Variants in IQCM observed in about 807,000 individuals in gnomAD.
IQCM encodes IQ domain-containing protein M.
A neutral mutation model predicts 57.6 loss-of-function variants in IQCM; 45 were observed. The observed-to-expected ratio is 0.78, with a 90% CI of 0.62 to 1.00. The LOEUF is 1.00. IQCM is among the 50% of genes least tolerant of loss of function. The pLI is 0.00. For synonymous variants in IQCM, 148 were observed against 158.9 expected, an observed-to-expected ratio of 0.93 and a Z score of 0.51; for missense variants, 468 against 511.6, an observed-to-expected ratio of 0.91 and a Z score of 0.82.
At chr4:149,547,840 A>G (rs1748615927) in intron 12 of IQCM, among the ~76,000 whole-genome samples, 1 of 152,192 alleles carries the variant, frequency 6.6e-6, no homozygotes, top group Admixed American at 6.5e-5. Context: ...GAAAAGCTGA[A>G]AAGAATCTTA....
chr4:149,768,400 T>C (rs1770257670), intron 2 of IQCM, among the ~76,000 whole-genome samples: 1 of 152,128 alleles, frequency 6.6e-6, no homozygotes, highest in Admixed American at 6.6e-5. Context: ...TTCTATCCTG[T>C]CATTGGATTA....
At chr4:149,774,416 C>T (rs1230166801) in intron 2 of IQCM, among the ~76,000 whole-genome samples, 2 of 152,160 alleles carry the variant, frequency 1.3e-5, no homozygotes, top group African/African-American at 4.8e-5. Context: ...CCTCTATTTC[C>T]TTTAAAAAAA....
chr4:149,597,970 G>C (rs916687158), intron 8 of IQCM, among the ~76,000 whole-genome samples: 10 of 152,044 alleles, frequency 6.6e-5, no homozygotes, highest in African/African-American at 2.2e-4. Context: ...ACCTACAAAA[G>C]AGAGACAACT....
chr4:149,530,808 C>A (rs1286929768), intron 12 of IQCM, among the ~76,000 whole-genome samples: 6 of 128,514 alleles, frequency 4.7e-5, no homozygotes, highest in Non-Finnish European at 9.8e-5. Context: ...CCCCCACCCC[C>A]CCCCCACATA....
chr4:149,748,155 G>A lies in IQCM; in HGVS notation c.-48-5416C>T, dbSNP rs948910246. Reference sequence around the variant, plus strand: ...AAGCCTGGCTGCTCTGACTGAAGAGGATCTCATGGGCTTTCCCTGAACTGC... The same window carrying A: ...AAGCCTGGCTGCTCTGACTGAAGAGAATCTCATGGGCTTTCCCTGAACTGC... On this transcript the variant is annotated intron_variant, in intron 2 of 13. Coordinates refer to ENST00000636793, the MANE Select transcript of IQCM (RefSeq NM_001363507.2). 1.4e-4 allele frequency among the ~76,000 whole-genome samples: 22 copies of A among 152,134 alleles called. 1 individual carries two copies.
chr4:149,797,573 GAAAGGTT>G (rs1773223477), intron 2 of IQCM, among the ~76,000 whole-genome samples: 1 of 151,972 alleles, frequency 6.6e-6, no homozygotes, highest in Non-Finnish European at 1.5e-5. Flanking sequence ...TTCAAGTACA[GAAAGGTT>G]ATAGAAAACC....
At chr4:149,475,942 C>A (rs1328409591) in intron 12 of IQCM, among the ~76,000 whole-genome samples, 2 of 152,000 alleles carry the variant, frequency 1.3e-5, no homozygotes, top group African/African-American at 4.8e-5. Flanking sequence ...GAATTGAAGA[C>A]AATGAGCGTG....
intron 13 of IQCM, among the ~76,000 whole-genome samples, chr4:149,371,506 T>C (rs926729485): frequency 1.3e-5 from 2 of 152,060 alleles, no homozygotes; most frequent in Non-Finnish European, 2.9e-5. Flanking sequence ...TCTCCAAGAG[T>C]ATCTATCTTT....
At chr4:149,592,232 T>TG (rs1753260269) in intron 8 of IQCM, among the ~76,000 whole-genome samples, 1 of 152,238 alleles carries the variant, frequency 6.6e-6, no homozygotes, top group South Asian at 2.1e-4. Flanking sequence ...TTCATATACC[T>TG]GTTGGCTGCA....
At chr4:149,669,370 A>T (rs930953934) in intron 7 of IQCM, among the ~76,000 whole-genome samples, 3 of 152,154 alleles carry the variant, frequency 2.0e-5, no homozygotes, top group African/African-American at 7.2e-5. Flanking sequence ...TAGATACTGC[A>T]TATTAGCCCT....
chr4:149,461,543 A>T (rs1738284996), intron 12 of IQCM, among the ~76,000 whole-genome samples: 1 of 151,808 alleles, frequency 6.6e-6, no homozygotes. Context: ...AGTCCTAGCT[A>T]CTTGGGTGGC....
At chr4:149,454,672 A>G (rs946505827) in intron 12 of IQCM, among the ~76,000 whole-genome samples, 3 of 152,056 alleles carry the variant, frequency 2.0e-5, no homozygotes, top group Non-Finnish European at 4.4e-5. Context: ...TTATTTGGTA[A>G]TAAAAAACAG....
At chr4:149,461,198 A>T (rs1247764221) in intron 12 of IQCM, among the ~76,000 whole-genome samples, 3 of 141,580 alleles carry the variant, frequency 2.1e-5, no homozygotes, top group Non-Finnish European at 4.5e-5. Context: ...GTGCCATTGC[A>T]CTCCAGCCCG....
rs541150719 is a variant in IQCM, at chr4:149,660,993, T to C, written c.565+21125A>G. Among the ~76,000 whole-genome samples, 3 of 151,910 alleles carry C rather than the reference T, an allele frequency of 2.0e-5. No homozygotes were observed. In the South Asian group the frequency reaches 6.3e-4, roughly 32 times the overall value. The stretch of plus-strand genomic sequence containing the variant: ...AACTTAAAGTATAATAATAATAAAA[T>C]AAAACAAAAATAAAAAACTAAAAAT... On this transcript the variant is annotated intron_variant, in intron 7 of 13. Coordinates refer to ENST00000636793, the MANE Select transcript of IQCM (RefSeq NM_001363507.2).
chr4:149,444,827 GA>G (rs1425393215), intron 12 of IQCM, among the ~76,000 whole-genome samples: 1 of 151,840 alleles, frequency 6.6e-6, no homozygotes, highest in Non-Finnish European at 1.5e-5. Context: ...TTGTCTTGAG[GA>G]AATAGGACAA....
At chr4:149,399,826 G>C (rs1213193404) in intron 13 of IQCM, among the ~76,000 whole-genome samples, 2 of 152,032 alleles carry the variant, frequency 1.3e-5, no homozygotes, top group Admixed American at 6.6e-5. Context: ...TATGCAAAGT[G>C]CTTAGCACAG....
intron 12 of IQCM, among the ~76,000 whole-genome samples, chr4:149,455,817 T>A (rs1023579297): frequency 6.6e-6 from 1 of 151,692 alleles, no homozygotes; most frequent in Non-Finnish European, 1.5e-5. Context: ...TTTTCTTTTT[T>A]TTTTTTAATT....
chr4:149,482,949 C>G (rs1741075091), intron 12 of IQCM, among the ~76,000 whole-genome samples: 2 of 151,504 alleles, frequency 1.3e-5, no homozygotes, highest in Admixed American at 1.3e-4. Flanking sequence ...CTAGCTACTT[C>G]CTATTGGTCT....
intron 10 of IQCM, among the ~76,000 whole-genome samples, chr4:149,558,482 G>T (rs1405713356): frequency 1.3e-5 from 2 of 152,168 alleles, no homozygotes; most frequent in Non-Finnish European, 2.9e-5. Context: ...GATCAGGAAA[G>T]ATAAAATTTC....
Sources: allele counts gnomAD v4.1 joint callset (sites outside exome capture counted in the v4.1 genomes callset), GRCh38; gene constraint gnomAD v4.1.1; transcripts MANE v1.5; gene names NCBI Gene and HGNC (gene_info 2026-07-23, HGNC 2026-07-21).